Variants in MSANTD5 observed in about 807,000 individuals in gnomAD.
The protein encoded by MSANTD5 is uncharacterized protein MSANTD5.
upstream of MSANTD5, among the ~76,000 whole-genome samples, chr5:178,700,838 A>C (rs1422219547): frequency 2.0e-5 from 3 of 152,194 alleles, no homozygotes; most frequent in Admixed American, 1.3e-4. Flanking sequence ...CTAGGGCAGG[A>C]GATTGGGACC....
chr5:178,702,878 T>C, the MSANTD5 span, among the ~76,000 whole-genome samples: 1 of 152,206 alleles, frequency 6.6e-6, no homozygotes, highest in Non-Finnish European at 1.5e-5. Context: ...ATTACAGATG[T>C]GAGCCACTGT....
At chr5:178,692,236 T>C (rs6894691), downstream of MSANTD5, among the ~76,000 whole-genome samples, 1,740 of 85,784 alleles carry the variant, frequency 0.02, 363 homozygotes, top group Non-Finnish European at 0.034. Flanking sequence ...AAAAATTAGC[T>C]AGGCATGGTG....
chr5:178,693,344 C>T (rs1765376017), downstream of MSANTD5, among the ~76,000 whole-genome samples: 1 of 151,958 alleles, frequency 6.6e-6, no homozygotes, highest in African/African-American at 2.4e-5. Flanking sequence ...GGAATTTATT[C>T]TTTCTGGTGG....
downstream of MSANTD5, among the ~76,000 whole-genome samples, chr5:178,693,985 T>C (rs1385434692): frequency 6.6e-6 from 1 of 152,032 alleles, no homozygotes; most frequent in Admixed American, 6.5e-5. Context: ...ATATCAGCTT[T>C]AATTTTAATA....
the MSANTD5 span, among the ~76,000 whole-genome samples, chr5:178,706,730 G>A: frequency 6.6e-6 from 1 of 151,864 alleles, no homozygotes; most frequent in Non-Finnish European, 1.5e-5. Context: ...GGCTTTTATG[G>A]AGAAGACTCT....
the MSANTD5 span, among the ~76,000 whole-genome samples, chr5:178,706,371 C>T: frequency 6.6e-5 from 10 of 152,176 alleles, no homozygotes; most frequent in South Asian, 2.1e-4. Context: ...TGGTCCTCCT[C>T]GGGGACAGTC....
At chr5:178,702,790 G>A in the MSANTD5 span, among the ~76,000 whole-genome samples, 1 of 151,776 alleles carries the variant, frequency 6.6e-6, no homozygotes, top group South Asian at 2.1e-4. Context: ...GTAGAGATGG[G>A]GTTTCACCAT....
chr5:178,702,975 C>T, the MSANTD5 span, among the ~76,000 whole-genome samples: 8 of 152,280 alleles, frequency 5.3e-5, no homozygotes, highest in African/African-American at 1.4e-4. Context: ...AGAGCAGTCA[C>T]GGAGACAAAC....
the MSANTD5 span, among the ~76,000 whole-genome samples, chr5:178,705,679 G>T: frequency 6.6e-6 from 1 of 152,084 alleles, no homozygotes. Flanking sequence ...TGTCTTGGCT[G>T]GGCATGGTGG....
upstream of MSANTD5, among the ~76,000 whole-genome samples, chr5:178,701,676 A>AAT (rs528162763): frequency 1.7e-3 from 256 of 147,886 alleles, 1 homozygote; most frequent in African/African-American, 5.8e-3. Flanking sequence ...CCATCTCAAA[A>AAT]ATATATATAT....
intron 2 of MSANTD5, 105 bp downstream of exon 2, chr5:178,695,990 CCT>C (rs1159242941): frequency 1.3e-5 from 2 of 152,168 alleles, no homozygotes; most frequent in African/African-American, 2.4e-5. Flanking sequence ...CCTGGAATCC[CCT>C]GAGATGCCCC....
Position 178,694,958 on chromosome 5 carries a change from G to A in MSANTD5, c.404-11C>T, listed in dbSNP as rs999937760. The A allele has an allele frequency of 6.6e-6, 1 of 152,258 alleles. No individual in the cohort carries two copies. The highest frequency in any genetic ancestry group is 1.9e-4 in the East Asian group (1 of 5,190). 9.4% of individuals were successfully genotyped at this position (152,258 alleles called of 1,614,324 possible). ...CTGCACAGGGAGGACCTGAGAGAGA[G>A]AAGACACATGGAGGGCTCATGAAGC... On this transcript the variant is annotated splice_polypyrimidine_tract_variant and intron_variant, in intron 3 of 3. Transcript: ENST00000648368.
intron 2 of MSANTD5, among the ~76,000 whole-genome samples, 183 bp downstream of exon 2, chr5:178,695,914 T>A (rs1490462430): frequency 2.0e-5 from 3 of 152,130 alleles, no homozygotes; most frequent in African/African-American, 7.2e-5. Context: ...TCACATCCCA[T>A]CCCTGTGGGG....
chr5:178,702,550 C>T (rs868730437), upstream of MSANTD5, among the ~76,000 whole-genome samples: 2 of 151,470 alleles, frequency 1.3e-5, no homozygotes, highest in Non-Finnish European at 2.9e-5. Flanking sequence ...CCGCCTGCCT[C>T]GCCCTCCCAA....
At chr5:178,703,980 CAAA>C in the MSANTD5 span, among the ~76,000 whole-genome samples, 10 of 60,234 alleles carry the variant, frequency 1.7e-4, no homozygotes, top group Non-Finnish European at 7.1e-5. Context: ...GACTCCGTCT[CAAA>C]AAAAAAAAAA....
chr5:178,697,225 C>A (rs543790866), intron 1 of MSANTD5, among the ~76,000 whole-genome samples: 2 of 151,980 alleles, frequency 1.3e-5, no homozygotes, highest in African/African-American at 2.4e-5. Context: ...GAGGCCGAGG[C>A]GGGCGGATCA....
upstream of MSANTD5, among the ~76,000 whole-genome samples, chr5:178,698,977 C>T (rs925321802): frequency 1.3e-5 from 2 of 152,050 alleles, no homozygotes; most frequent in Admixed American, 6.6e-5. Context: ...ACCACCATCT[C>T]TTCATTTCCA....
At chr5:178,692,324 G>A (rs1209661852), downstream of MSANTD5, among the ~76,000 whole-genome samples, 1 of 149,442 alleles carries the variant, frequency 6.7e-6, no homozygotes, top group Non-Finnish European at 1.5e-5. Flanking sequence ...AGGTTGCAGT[G>A]AGCTGAGATT....
At chr5:178,701,877 A>G (rs62392826), upstream of MSANTD5, among the ~76,000 whole-genome samples, 37,581 of 149,824 alleles carry the variant, frequency 0.25, 4,805 homozygotes, top group South Asian at 0.36. Context: ...GGGATTACAA[A>G]CATGCACCAC....
Sources: allele counts gnomAD v4.1 joint callset (sites outside exome capture counted in the v4.1 genomes callset), GRCh38; gene constraint gnomAD v4.1.1; transcripts MANE v1.5; gene names NCBI Gene and HGNC (gene_info 2026-07-23, HGNC 2026-07-21).